The following TLN1 variants were observed in gnomAD, a reference collection of about 807,000 sequenced individuals.
TLN1 encodes the protein talin-1.
In TLN1, 56 loss-of-function variants were observed where a neutral mutation model predicts 292.3. That is an observed-to-expected ratio of 0.19 (90% CI 0.15 to 0.24). The LOEUF is 0.24. Among genes scored for constraint, TLN1 ranks in the 10% least tolerant of loss-of-function variants. TLN1 has a pLI of 1.00. For synonymous variants in TLN1, 1,119 were observed against 1,253.7 expected (o/e 0.89, Z 2.27); for missense variants, 2,433 against 3,248.2 (o/e 0.75, Z 6.10).
At chr9:35,720,776 G>A (rs1825867535) in intron 11 of TLN1, 36 bp downstream of exon 11, 4 of 1,583,558 alleles carry the variant, frequency 2.5e-6, no homozygotes, top group Non-Finnish European at 3.5e-6. Context: ...GAGGGCAAGA[G>A]GCGATAAGGA....
At position 35,711,687 on chromosome 9, in the gene TLN1, T is replaced by C. The variant is rs556141342; in HGVS notation, c.3787A>G (p.Thr1263Ala). The C allele has an allele frequency of 6.2e-7, 1 of 1,614,138 alleles. No homozygotes were observed. The highest frequency in any genetic ancestry group is 2.2e-5 in the East Asian group (1 of 44,878). ...GAGGCTCGAGCCAGGTCCTGAGGGG[T>C]TCCCCGAGAGGCCTGCACCAGTTCT... is the stretch of plus-strand genomic sequence containing the variant. Reference protein sequence around the residue: ...ATELVQASRGTPQDLARASGR... With the variant: ...ATELVQASRGAPQDLARASGR... The change falls in exon 29 of 57, where the codon ACC becomes GCC. Residue 1263 changes from threonine to alanine, a missense_variant. This residue lies in a region of TLN1 where 1,384 missense variants were observed against 1,699.6 expected (regional missense o/e 0.81). Transcript: ENST00000314888.
intron 56 of TLN1, 52 bp downstream of exon 56, chr9:35,697,992 C>T: frequency 6.2e-7 from 1 of 1,613,932 alleles, no homozygotes; most frequent in South Asian, 1.1e-5. Context: ...CCAGCGCAGG[C>T]AACATGACTG....
intron 27 of TLN1, among the ~76,000 whole-genome samples, chr9:35,712,558 G>GA (rs987314770): frequency 1.3e-4 from 20 of 148,566 alleles, no homozygotes; most frequent in African/African-American, 4.7e-4. Flanking sequence ...TGAGGCAGGA[G>GA]AATCACTTGA....
chr9:35,706,336 G>A lies in TLN1; in HGVS notation c.5221C>T (p.Leu1741Phe). ...VSQMAQYFEPLTLAAVGAASK... is the reference protein window; with the variant it reads ...VSQMAQYFEPFTLAAVGAASK... ...GCAGCACCCACTGCAGCCAGGGTGAGCGGCTCAAAGTACTGCGCCATCTGG... is the reference window on the plus strand; with the variant it reads ...GCAGCACCCACTGCAGCCAGGGTGAACGGCTCAAAGTACTGCGCCATCTGG... The change falls in exon 40 of 57, where the codon CTC (leucine) becomes TTC (phenylalanine). Residue 1741 changes from leucine (L) to phenylalanine (F), a missense_variant. Physicochemically the swap from Leu to Phe is conservative, Grantham distance 22 (BLOSUM62 0). Around this residue, in one of 7 missense-constraint regions of TLN1, gnomAD observed 1,384 missense variants for 1,699.6 expected, o/e 0.81. Coordinates refer to ENST00000314888, the MANE Select transcript of TLN1 (RefSeq NM_006289.4). This position sits in a 1 kb window ranked among gnomAD's most constrained non-coding sequence, Gnocchi z 4.2. The A allele has an allele frequency of 6.2e-7, 1 of 1,611,896 alleles. No individual in the cohort carries two copies. The highest frequency in any genetic ancestry group is 8.5e-7 in the Non-Finnish European group (1 of 1,178,836).
At chr9:35,729,703 A>T (rs1163731041) in intron 1 of TLN1, among the ~76,000 whole-genome samples, 1 of 152,200 alleles carries the variant, frequency 6.6e-6, no homozygotes, top group Non-Finnish European at 1.5e-5. Flanking sequence ...CCTAATAACT[A>T]CTAAGGTAGA....
chr9:35,710,271 T>C (rs1051374048), intron 33 of TLN1, among the ~76,000 whole-genome samples: 2 of 148,446 alleles, frequency 1.3e-5, no homozygotes, highest in Admixed American at 1.3e-4. Flanking sequence ...GAAAAAATAG[T>C]TTGTATAAGC....
In TLN1 at chr9:35,718,868, C is replaced by T; in HGVS notation, c.1939G>A (p.Ala647Thr). Residue 647 changes from alanine to threonine, a missense_variant, in exon 17 of 57, where the codon GCC becomes ACC. Ala to Thr is a moderately conservative substitution (Grantham distance 58). This residue lies in a region of TLN1 where 617 missense variants were observed against 770.6 expected (regional missense o/e 0.80). Coordinates refer to ENST00000314888, the MANE Select transcript of TLN1 (RefSeq NM_006289.4). ...ATTTGTTGCAACAGCTCCCCACTGGCCTGGCCCACGTTCCCAGCTGCTTGC... is the reference window on the plus strand; with the variant it reads ...ATTTGTTGCAACAGCTCCCCACTGGTCTGGCCCACGTTCCCAGCTGCTTGC... The part of the protein sequence containing the change: ...LLQAAGNVGQ[A>T]SGELLQQIGE... The T allele has an allele frequency of 6.2e-7, 1 of 1,613,658 alleles. No individual in the cohort carries two copies. Among genetic ancestry groups the T allele is most frequent in the Non-Finnish European group, 8.5e-7 (1 of 1,179,808 alleles).
In TLN1 at chr9:35,711,098, A is replaced by T. The variant is rs1825660002; in HGVS notation, c.4020-16T>A. 6.2e-7 allele frequency: 1 copy of T among 1,613,974 alleles called. No homozygotes were observed. ...AGTTACTGCCCTGGGAGTGACAGAA[A>T]GTTGAGTGAAAAGGTGAATAGGTCA... On this transcript the variant is annotated splice_polypyrimidine_tract_variant and intron_variant, in intron 30 of 56. Coordinates refer to ENST00000314888, the MANE Select transcript of TLN1 (RefSeq NM_006289.4).
In TLN1 at chr9:35,724,083, G is replaced by C; in HGVS notation, c.655-4C>G. Reference sequence around the variant, plus strand: ...CATTCAGGATGTCATCTCGTGCCTGGAGAGCACAGGGCAAGGAGGCGAATG... The same window carrying C: ...CATTCAGGATGTCATCTCGTGCCTGCAGAGCACAGGGCAAGGAGGCGAATG... On this transcript the variant is annotated splice_region_variant and splice_polypyrimidine_tract_variant and intron_variant, in intron 6 of 56. Transcript: ENST00000314888. The surrounding 1 kb of genome is among the most constrained non-coding windows in gnomAD (Gnocchi z 4.7). 2 of 1,613,646 alleles carry C rather than the reference G, an allele frequency of 1.2e-6. No homozygotes were observed. Among genetic ancestry groups the C allele is most frequent in the Non-Finnish European group, 1.7e-6 (2 of 1,179,598 alleles).
rs1390894768 is a variant in TLN1, at chr9:35,722,832, C to G, written c.843+29G>C. ...TTAAGCAGCAAAGCTCCGCGGTCAT[C>G]CCAAATACTTTCCCCTACCCACATT... On this transcript the variant is annotated intron_variant, in intron 8 of 56. Coordinates refer to ENST00000314888, the MANE Select transcript of TLN1 (RefSeq NM_006289.4). 8 of 1,611,526 alleles carry G rather than the reference C, an allele frequency of 5.0e-6. No homozygotes were observed. In the East Asian group the frequency reaches 1.8e-4, roughly 36 times the overall value.
chr9:35,710,830 A>G lies in TLN1; in HGVS notation c.4170T>C (p.Phe1390=), dbSNP rs2131891736. The part of the protein sequence containing the change: ...PVQPINDMSY[F]GCLDSVMENS... ...TCTCCATTACACTGTCCAGGCAACC[A>G]AAGTAGGACATGTCATTGATGGGCT... The change falls in exon 32 of 57, where the codon TTT becomes TTC. Residue 1390 remains phenylalanine (F), a synonymous_variant. Transcript: ENST00000314888. 1 of 1,614,256 alleles carries G rather than the reference A, an allele frequency of 6.2e-7. No individual in the cohort carries two copies. Among genetic ancestry groups the G allele is most frequent in the Non-Finnish European group, 8.5e-7 (1 of 1,180,036 alleles).
rs749125394 is a variant in TLN1 at position 35,704,293 on chromosome 9, C to T, written c.6047+39G>A. 11 of 1,600,968 alleles carry T rather than the reference C, an allele frequency of 6.9e-6. No homozygotes were observed. The highest frequency in any genetic ancestry group is 4.5e-5 in the East Asian group (2 of 44,802). ...TCCTGCCTCTTCCAGCCCCGTGCCC[C>T]GACCTGTCTGCCTCCCTTAGGCCCA... On this transcript the variant is annotated intron_variant, in intron 45 of 56. Coordinates refer to ENST00000314888, the MANE Select transcript of TLN1 (RefSeq NM_006289.4). This position sits in a 1 kb window ranked among gnomAD's most constrained non-coding sequence, Gnocchi z 6.9.
Position 35,720,518 on chromosome 9 carries a change from A to AG in TLN1, c.1207-10dup, listed in dbSNP as rs746990681. The AG allele has an allele frequency of 2.1e-5, 34 of 1,613,832 alleles. 1 individual carries two copies. The South Asian group carries it at 3.4e-4, about 16-fold the overall frequency. ...TGATCCTTGCTTTTTTTCTGTAGGA[A>AG]GGAAAAAGGAACAAGAGTTGGGATA... On this transcript the variant is annotated splice_polypyrimidine_tract_variant and intron_variant, in intron 11 of 56. Transcript: ENST00000314888.
chr9:35,705,878 A>G, intron 41 of TLN1, 27 bp from the exon 42 acceptor site: 2 of 1,614,130 alleles, frequency 1.2e-6, no homozygotes, highest in South Asian at 2.2e-5. Flanking sequence ...GGGAAAGGGA[A>G]AGACTGTTAG....
chr9:35,712,712 G>T, intron 27 of TLN1, 123 bp downstream of exon 27: 2 of 721,514 alleles, frequency 2.8e-6, no homozygotes, highest in Non-Finnish European at 2.3e-6. Flanking sequence ...GGGCTGTCAA[G>T]AGCAGACCCA....
At chr9:35,712,547 C>CGG (rs1825692740) in intron 27 of TLN1, among the ~76,000 whole-genome samples, 1 of 151,012 alleles carries the variant, frequency 6.6e-6, no homozygotes, top group Non-Finnish European at 1.5e-5. Flanking sequence ...ACTAGGGAGT[C>CGG]TGAGGCAGGA....
chr9:35,728,232 T>C (rs914819638), intron 1 of TLN1, among the ~76,000 whole-genome samples: 3 of 152,094 alleles, frequency 2.0e-5, no homozygotes, highest in Admixed American at 6.5e-5. Flanking sequence ...TTGGAGAATA[T>C]AGTCAGAGCA....
Position 35,706,996 on chromosome 9 carries a change from T to C in TLN1, c.4955+76A>G, listed in dbSNP as rs887501164. Reference sequence around the variant, plus strand: ...ATCCTCCCAACACCATCCCATCTCATTGCACTCAAGTGCCCATCCTCCATT... The same window carrying C: ...ATCCTCCCAACACCATCCCATCTCACTGCACTCAAGTGCCCATCCTCCATT... On this transcript the variant is annotated intron_variant, in intron 37 of 56. Coordinates refer to ENST00000314888, the MANE Select transcript of TLN1 (RefSeq NM_006289.4). The surrounding 1 kb of genome is among the most constrained non-coding windows in gnomAD (Gnocchi z 4.2). 1.9e-6 allele frequency: 3 copies of C among 1,608,122 alleles called. No individual in the cohort carries two copies. Among genetic ancestry groups the C allele is most frequent in the East Asian group, 4.5e-5 (2 of 44,846 alleles).
Position 35,698,202 on chromosome 9 carries a change from G to C in TLN1, c.7372-30C>G. 2 of 1,613,534 alleles carry C rather than the reference G, an allele frequency of 1.2e-6. No homozygotes were observed. Among genetic ancestry groups the C allele is most frequent in the Non-Finnish European group, 8.5e-7 (1 of 1,179,744 alleles). Reference sequence around the variant, plus strand: ...GCAGAGAGAAAGTGGCCTAGGTTGAGAACTCAGGTACGGTCCCAGTTGAGA... The same window carrying C: ...GCAGAGAGAAAGTGGCCTAGGTTGACAACTCAGGTACGGTCCCAGTTGAGA... On this transcript the variant is annotated intron_variant, in intron 55 of 56. Transcript: ENST00000314888. This position sits in a 1 kb window ranked among gnomAD's most constrained non-coding sequence, Gnocchi z 5.3.
Sources: gnomAD v4.1 joint callset for allele counts (sites outside exome capture counted in the v4.1 genomes callset) on GRCh38, gnomAD v4.1.1 for gene constraint, gnomAD v4.1.1 regional missense constraint, Gnocchi (gnomAD v3.1) non-coding constraint, MANE v1.5 for transcripts, NCBI Gene and HGNC (gene_info 2026-07-23, HGNC 2026-07-21) for gene names.